HMGCS1: variants seen among roughly 807,000 people sequenced by gnomAD.
HMGCS1 encodes the protein 3-hydroxy-3-methylglutaryl-CoA synthase 1.
Under a neutral mutation model 52.3 loss-of-function variants are expected in HMGCS1, and 9 were observed. That is an observed-to-expected ratio of 0.17 (90% CI 0.10 to 0.30). The LOEUF (loss-of-function observed/expected upper bound fraction) is 0.30, where lower values mean the gene tolerates loss of function less well. HMGCS1 is among the 10% of genes least tolerant of loss of function. The pLI is 1.00. For synonymous variants in HMGCS1, 176 were observed against 214.4 expected, an observed-to-expected ratio of 0.82 and a Z score of 1.57; for missense variants, 320 against 620.9, an observed-to-expected ratio of 0.52 and a Z score of 5.15.
At position 43,297,113 on chromosome 5, in the gene HMGCS1, G is replaced by C; in HGVS notation, c.628C>G (p.Leu210Val). 1 of 1,613,758 alleles carries C rather than the reference G, an allele frequency of 6.2e-7. No homozygotes were observed. Among genetic ancestry groups the C allele is most frequent in the Non-Finnish European group, 8.5e-7 (1 of 1,179,684 alleles). ...HAYDFYKPDM[L>V]SEYPIVDGKL... ...CCATCTACTATAGGATATTCAGATA[G>C]CATATCAGGCTTGTAAAAATCATAG... Residue 210 changes from leucine to valine, a missense_variant, in exon 5 of 11, where the codon CTA (leucine) becomes GTA (valine). Physicochemically the swap from Leu to Val is conservative, Grantham distance 32. This residue lies in a region of HMGCS1 where 85 missense variants were observed against 260.0 expected (regional missense o/e 0.33). Coordinates refer to ENST00000325110, the MANE Select transcript of HMGCS1 (RefSeq NM_001098272.3).
In HMGCS1 at chr5:43,289,091, C is replaced by T. The variant is rs1384032754; in HGVS notation, c.*2040G>A. The T allele has an allele frequency of 6.6e-6, 1 of 152,162 alleles. No individual in the cohort carries two copies. The highest frequency in any genetic ancestry group is 1.5e-5 in the Non-Finnish European group (1 of 68,030). 9.4% of individuals were successfully genotyped at this position (152,162 alleles called of 1,614,324 possible). On this transcript the variant is annotated 3_prime_UTR_variant, in exon 11 of 11. Coordinates refer to ENST00000325110, the MANE Select transcript of HMGCS1 (RefSeq NM_001098272.3). Reference sequence around the variant, plus strand: ...ATATTTATAGCAAAGTCTATATATGCTTGCCACGCAATTTGAGAGTTAATT... The same window carrying T: ...ATATTTATAGCAAAGTCTATATATGTTTGCCACGCAATTTGAGAGTTAATT...
chr5:43,297,140 C>T lies in HMGCS1; in HGVS notation c.601G>A (p.Ala201Thr). 6.2e-7 allele frequency: 1 copy of T among 1,613,474 alleles called. No individual in the cohort carries two copies. The highest frequency in any genetic ancestry group is 8.5e-7 in the Non-Finnish European group (1 of 1,179,708). The change falls in exon 5 of 11, where the codon GCC becomes ACC. Residue 201 changes from alanine (A) to threonine (T), a missense_variant. By Grantham distance (58) the Ala-to-Thr change is moderately conservative. This residue lies in a region of HMGCS1 where 85 missense variants were observed against 260.0 expected (regional missense o/e 0.33). Transcript: ENST00000325110. ...RGLRGTHMQH[A>T]YDFYKPDMLS... is the part of the protein sequence containing the mutation. ...ATATCAGGCTTGTAAAAATCATAGG[C>T]ATGTTGCATATGTGTCCCACGAAGC...
intron 1 of HMGCS1, among the ~76,000 whole-genome samples, chr5:43,310,303 C>T (rs78395074): frequency 0.013 from 1,937 of 152,274 alleles, 46 homozygotes; most frequent in African/African-American, 0.043. Context: ...AAGCTTTCCT[C>T]GATAAATCAC....
At chr5:43,308,256 T>G (rs1335620251) in intron 1 of HMGCS1, among the ~76,000 whole-genome samples, 1 of 152,236 alleles carries the variant, frequency 6.6e-6, no homozygotes, top group Non-Finnish European at 1.5e-5. Context: ...TAACAGATTG[T>G]GGCTTTGGCA....
intron 1 of HMGCS1, among the ~76,000 whole-genome samples, chr5:43,310,546 T>A (rs959392846): frequency 6.6e-6 from 1 of 152,230 alleles, no homozygotes; most frequent in Non-Finnish European, 1.5e-5. Flanking sequence ...TGGCTGAATT[T>A]GGAGTTATAA....
At chr5:43,308,426 A>G (rs956888360) in intron 1 of HMGCS1, among the ~76,000 whole-genome samples, 20 of 152,202 alleles carry the variant, frequency 1.3e-4, no homozygotes, top group African/African-American at 2.4e-4. Flanking sequence ...TATAGTTCTT[A>G]TAAGTGTTTT....
intron 5 of HMGCS1, 107 bp downstream of exon 5, chr5:43,296,895 G>A (rs1754055826): frequency 1.3e-6 from 1 of 759,308 alleles, no homozygotes; most frequent in Non-Finnish European, 2.2e-6. Context: ...AATGGTAAAA[G>A]GATATTAAAT....
In HMGCS1 at chr5:43,296,003, G is replaced by A. The variant is rs1025406460; in HGVS notation, c.740-86C>T. ...ACTTTAGAATAAAGCTAGGATATTT[G>A]TATATGTTTAAACAGCAACCACAAA... On this transcript the variant is annotated intron_variant, in intron 5 of 10. Transcript: ENST00000325110. 1.3e-5 allele frequency: 13 copies of A among 978,336 alleles called. No individual in the cohort carries two copies. In the African/African-American group the frequency reaches 1.8e-4, roughly 13 times the overall value. The allele number at this position is 978,336 out of a possible 1,614,324, so 60.6% of individuals were successfully genotyped here.
Position 43,289,069 on chromosome 5 carries a change from T to G in HMGCS1, c.*2062A>C, listed in dbSNP as rs1029416252. The G allele has an allele frequency of 6.6e-6, 1 of 152,240 alleles. No homozygotes were observed. The highest frequency in any genetic ancestry group is 2.4e-5 in the African/African-American group (1 of 41,470). The allele number at this position is 152,240 out of a possible 1,614,324, so 9.4% of individuals were successfully genotyped here. On this transcript the variant is annotated 3_prime_UTR_variant, in exon 11 of 11. Coordinates refer to ENST00000325110, the MANE Select transcript of HMGCS1 (RefSeq NM_001098272.3). ...AAAACAGTAACTCATTTCATAAATA[T>G]TTATAGCAAAGTCTATATATGCTTG...
At chr5:43,308,848 C>T (rs555753492) in intron 1 of HMGCS1, among the ~76,000 whole-genome samples, 103 of 152,132 alleles carry the variant, frequency 6.8e-4, no homozygotes, top group South Asian at 2.7e-3. Flanking sequence ...GCTCTTCAGT[C>T]GTAGCGCCTT....
In HMGCS1 at chr5:43,294,206, A is replaced by G. The variant is rs1358874980; in HGVS notation, c.1077-44T>C. The G allele has an allele frequency of 3.4e-6, 4 of 1,192,056 alleles. No homozygotes were observed. In the African/African-American group the frequency reaches 6.0e-5, roughly 18 times the overall value. 73.8% of individuals were successfully genotyped at this position (1,192,056 alleles called of 1,614,324 possible). On this transcript the variant is annotated intron_variant, in intron 7 of 10. Coordinates refer to ENST00000325110, the MANE Select transcript of HMGCS1 (RefSeq NM_001098272.3). ...TAGTTCAGAAGTTTAACTGATCCAAAGCTACAGCGTGTGGGAAGCTATAAA... is the reference window on the plus strand; with the variant it reads ...TAGTTCAGAAGTTTAACTGATCCAAGGCTACAGCGTGTGGGAAGCTATAAA...
rs1261366184 is a variant in HMGCS1 at position 43,290,777 on chromosome 5, G to C, written c.*354C>G. The C allele has an allele frequency of 5.7e-6, 1 of 174,498 alleles. No individual in the cohort carries two copies. Among genetic ancestry groups the C allele is most frequent in the African/African-American group, 2.4e-5 (1 of 42,396 alleles). The allele number at this position is 174,498 out of a possible 1,614,324, so 10.8% of individuals were successfully genotyped here. ...TTACATGTTAAAAAATTTTTTAATT[G>C]GAGATTAGTACCTCTGCTTTCTTCT... On this transcript the variant is annotated 3_prime_UTR_variant, in exon 11 of 11. Transcript: ENST00000325110.
intron 8 of HMGCS1, 48 bp from the exon 9 acceptor site, chr5:43,293,021 T>C (rs1398670937): frequency 8.6e-6 from 13 of 1,504,698 alleles, no homozygotes; most frequent in Non-Finnish European, 1.1e-5. Context: ...TGAAAAATCA[T>C]GTCCAAAAGA....
chr5:43,295,503 C>T (rs1221074520), intron 6 of HMGCS1, among the ~76,000 whole-genome samples: 3 of 152,086 alleles, frequency 2.0e-5, no homozygotes, highest in African/African-American at 7.2e-5. Context: ...GTTACTTTAT[C>T]GTGACAACAT....
In HMGCS1 at chr5:43,298,445, A is replaced by T; in HGVS notation, c.448+73T>A. 2 of 1,079,248 alleles carry T rather than the reference A, an allele frequency of 1.9e-6. No homozygotes were observed. The highest frequency in any genetic ancestry group is 2.7e-6 in the Non-Finnish European group (2 of 731,464). 66.9% of individuals were successfully genotyped at this position (1,079,248 alleles called of 1,614,324 possible). A position where few individuals can be genotyped will look rare whatever the true frequency, so the allele number is the denominator to read the frequency against. ...CAAAAGTTTGCGTATTGCATTAATT[A>T]AAGTGTCATCTGGGTCTATTGAACC... is the stretch of plus-strand genomic sequence containing the variant. On this transcript the variant is annotated intron_variant, in intron 3 of 10. Transcript: ENST00000325110. This position sits in a 1 kb window ranked among gnomAD's most constrained non-coding sequence, Gnocchi z 5.6.
chr5:43,291,085 A>ACCCCCATCCCCCCCCC lies in HMGCS1; in HGVS notation c.*45_*46insGGGGGGGGGATGGGGG. On this transcript the variant is annotated 3_prime_UTR_variant, in exon 11 of 11. Coordinates refer to ENST00000325110, the MANE Select transcript of HMGCS1 (RefSeq NM_001098272.3). ...TTCCTCCAACTGTTCCCATACCCCC[A>ACCCCCATCCCCCCCCC]CCCCATGCCCACCCCACCCTGAAGT... 1 of 514,250 alleles carries ACCCCCATCCCCCCCCC rather than the reference A, an allele frequency of 1.9e-6. No homozygotes were observed. The highest frequency in any genetic ancestry group is 3.9e-6 in the Non-Finnish European group (1 of 255,670). 31.9% of individuals were successfully genotyped at this position (514,250 alleles called of 1,614,324 possible).
rs1195827398 is a variant in HMGCS1 at position 43,288,594 on chromosome 5, AGGT to A, written c.*2534_*2536del. The stretch of plus-strand genomic sequence containing the variant: ...CATAAAAATAAAAACTTAGGACAAA[AGGT>A]TAAGTGTACAAATAGAGGAAACACA... On this transcript the variant is annotated 3_prime_UTR_variant, in exon 11 of 11. Coordinates refer to ENST00000325110, the MANE Select transcript of HMGCS1 (RefSeq NM_001098272.3). The A allele has an allele frequency of 6.6e-6, 1 of 152,130 alleles. No individual in the cohort carries two copies. Among genetic ancestry groups the A allele is most frequent in the Admixed American group, 6.5e-5 (1 of 15,272 alleles). 9.4% of individuals were successfully genotyped at this position (152,130 alleles called of 1,614,324 possible).
chr5:43,291,486 G>A (rs1386396117), intron 10 of HMGCS1, among the ~76,000 whole-genome samples: 4 of 152,090 alleles, frequency 2.6e-5, no homozygotes, highest in South Asian at 4.2e-4. Context: ...TACTTGTTAC[G>A]TCTTGTATTT....
Position 43,298,399 on chromosome 5 carries a change from T to C in HMGCS1, c.448+119A>G. 2 of 734,702 alleles carry C rather than the reference T, an allele frequency of 2.7e-6. No homozygotes were observed. The highest frequency in any genetic ancestry group is 2.6e-5 in the East Asian group (1 of 37,900). The allele number at this position is 734,702 out of a possible 1,614,324, so 45.5% of individuals were successfully genotyped here. ...GACAGGTAAAATATCTTTCTTAATA[T>C]ATCCAAACAAGGACAAATTACAAAA... On this transcript the variant is annotated intron_variant, in intron 3 of 10. Coordinates refer to ENST00000325110, the MANE Select transcript of HMGCS1 (RefSeq NM_001098272.3). This position sits in a 1 kb window ranked among gnomAD's most constrained non-coding sequence, Gnocchi z 5.6.
Sources: gnomAD v4.1 joint callset for allele counts (sites outside exome capture counted in the v4.1 genomes callset) on GRCh38, gnomAD v4.1.1 for gene constraint, gnomAD v4.1.1 regional missense constraint, Gnocchi (gnomAD v3.1) non-coding constraint, MANE v1.5 for transcripts, NCBI Gene and HGNC (gene_info 2026-07-23, HGNC 2026-07-21) for gene names.